SYNM: variants seen among roughly 807,000 people sequenced by gnomAD.
SYNM encodes the protein synemin.
In SYNM, 95 loss-of-function variants were observed where a neutral mutation model predicts 104.0. The observed-to-expected ratio is 0.91, with a 90% CI of 0.77 to 1.08. The LOEUF (loss-of-function observed/expected upper bound fraction) is 1.08, where lower values mean the gene tolerates loss of function less well. SYNM is among the 50% of genes least tolerant of loss of function. The probability of loss-of-function intolerance (pLI) is 0.00; values close to 1 mark genes in which losing one functional copy is unlikely to be tolerated. For synonymous variants in SYNM, 918 were observed against 869.0 expected (o/e 1.06, Z -0.99); for missense variants, 2,150 against 2,052.2 (o/e 1.05, Z -0.92).
At chr15:99,116,399 G>GGTCCACATGGCGGGATGGTCTCT (rs374142821) in intron 2 of SYNM, among the ~76,000 whole-genome samples, 1 of 146,982 alleles carries the variant, frequency 6.8e-6, no homozygotes, top group South Asian at 2.2e-4. Context: ...TCCTCAGACT[G>GGTCCACATGGCGGGATGGTCTCT]CCCCAAGTCA....
intron 3 of SYNM, chr15:99,128,976 T>G (rs2067472370): frequency 5.3e-6 from 1 of 187,840 alleles, no homozygotes; most frequent in Admixed American, 5.3e-5. Context: ...TCTGCTACAG[T>G]AAATTAAACT....
chr15:99,119,291 G>A (rs540011301), intron 2 of SYNM, among the ~76,000 whole-genome samples: 2 of 152,330 alleles, frequency 1.3e-5, no homozygotes, highest in African/African-American at 4.8e-5. Flanking sequence ...CTCACAGGGC[G>A]GCAGCATGCG....
downstream of SYNM, chr15:99,139,691 C>T (rs547846389): frequency 2.8e-5 from 39 of 1,383,296 alleles, no homozygotes; most frequent in East Asian, 1.4e-3. Context: ...AACCTTGGTA[C>T]TGACCAGAGG....
At chr15:99,122,067 A>G (rs1047259294) in intron 2 of SYNM, among the ~76,000 whole-genome samples, 4 of 152,266 alleles carry the variant, frequency 2.6e-5, no homozygotes, top group Non-Finnish European at 5.9e-5. Flanking sequence ...GGAAAATGCA[A>G]TGCAGAGATT....
rs567340233 is a variant in SYNM, at chr15:99,110,239, C to A, written c.811-3352C>A. Among the ~76,000 whole-genome samples the A allele has an allele frequency of 7.2e-5, 11 of 152,294 alleles. No homozygotes were observed. In the South Asian group the frequency reaches 2.1e-3, roughly 29 times the overall value. Reference sequence around the variant, plus strand: ...GCATTTTTCACTGCTGAATCCGCAGCCATGAAGAACTGCGCTTGGCACACT... The same window carrying A: ...GCATTTTTCACTGCTGAATCCGCAGACATGAAGAACTGCGCTTGGCACACT... On this transcript the variant is annotated intron_variant, in intron 1 of 3. Transcript: ENST00000336292.
At position 99,132,394 on chromosome 15, in the gene SYNM, G is replaced by C. The variant is rs7167599; in HGVS notation, c.4034G>C (p.Gly1345Ala). 245,609 of 1,613,826 alleles carry C rather than the reference G, an allele frequency of 0.15. 19,209 individuals carry two copies. The highest frequency in any genetic ancestry group is 0.21 in the Admixed American group (12,767 of 60,016). Residue 1345 changes from glycine to alanine, a missense_variant, in exon 4 of 4, where the codon GGA (glycine) becomes GCA (alanine). Physicochemically the swap from Gly to Ala is moderately conservative, Grantham distance 60 (BLOSUM62 0). Transcript: ENST00000336292. ...ESGDSESTVHGEGSADVHQAT... is the reference protein window; with the variant it reads ...ESGDSESTVHAEGSADVHQAT... ...GGTGACTCAGAGAGCACTGTGCACG[G>C]AGAGGGCTCAGCAGATGTGCACCAG...
chr15:99,139,509 T>C (rs1555489128), downstream of SYNM: 2 of 1,560,582 alleles, frequency 1.3e-6, no homozygotes, highest in Middle Eastern at 3.3e-4. Flanking sequence ...GGCCCTGCTG[T>C]GATGGAATTA....
intron 1 of SYNM, 80 bp from the exon 2 acceptor site, chr15:99,113,511 G>T: frequency 1.3e-6 from 2 of 1,565,676 alleles, no homozygotes; most frequent in South Asian, 1.2e-5. Context: ...TTTTCAATTC[G>T]ATCCTGAATT....
chr15:99,127,539 CTTCA>C (rs1192310636), intron 3 of SYNM, among the ~76,000 whole-genome samples: 2 of 152,160 alleles, frequency 1.3e-5, no homozygotes, highest in African/African-American at 4.8e-5. Flanking sequence ...TGGTTTTAGT[CTTCA>C]TTGTTTCTTT....
rs1555485606 is a variant in SYNM at position 99,130,444 on chromosome 15, A to T, written c.2084A>T (p.Asp695Val). Residue 695 changes from aspartate (D) to valine (V), a missense_variant, in exon 4 of 4, where the codon GAT (aspartate) becomes GTT (valine). Asp to Val is a radical substitution (Grantham distance 152, BLOSUM62 -3). Transcript: ENST00000336292. ...EIVVESKLTE[D>V]VDVSDEAGLD... is the part of the protein sequence containing the mutation. ...GTTGTGGAGTCTAAACTGACTGAGG[A>T]TGTTGATGTTTCCGATGAAGCTGGC... is the stretch of plus-strand genomic sequence containing the variant. 2 of 1,613,892 alleles carry T rather than the reference A, an allele frequency of 1.2e-6. No homozygotes were observed. The highest frequency in any genetic ancestry group is 1.3e-5 in the African/African-American group (1 of 75,020).
At chr15:99,118,224 A>G (rs1298650133) in intron 2 of SYNM, among the ~76,000 whole-genome samples, 1 of 152,144 alleles carries the variant, frequency 6.6e-6, no homozygotes, top group African/African-American at 2.4e-5. Flanking sequence ...TTTGAAAATC[A>G]CCAGTGCATG....
rs782600325 is a variant in SYNM, at chr15:99,129,429, C to T, written c.1069C>T (p.Leu357=). 6.2e-7 allele frequency: 1 copy of T among 1,614,010 alleles called. No individual in the cohort carries two copies. The highest frequency in any genetic ancestry group is 8.5e-7 in the Non-Finnish European group (1 of 1,179,880). Residue 357 remains leucine, a synonymous_variant, in exon 4 of 4, where the codon CTA becomes TTA. Coordinates refer to ENST00000336292, the MANE Select transcript of SYNM (RefSeq NM_145728.3). ...SLLQRENERN[L]FSRQKAPLAS... ...ACTACAGAGGGAAAATGAAAGGAATCTATTTTCAAGGCAGAAAGCACCTTT... is the reference window on the plus strand; with the variant it reads ...ACTACAGAGGGAAAATGAAAGGAATTTATTTTCAAGGCAGAAAGCACCTTT...
At chr15:99,109,155 G>C (rs1389105886) in intron 1 of SYNM, among the ~76,000 whole-genome samples, 1 of 152,144 alleles carries the variant, frequency 6.6e-6, no homozygotes, top group African/African-American at 2.4e-5. Flanking sequence ...GTCCTTCCCA[G>C]ATGGCCCATG....
At position 99,134,365 on chromosome 15, in the gene SYNM, A is replaced by G. The variant is rs2067542888; in HGVS notation, c.*1307A>G. On this transcript the variant is annotated 3_prime_UTR_variant, in exon 4 of 4. Coordinates refer to ENST00000336292, the MANE Select transcript of SYNM (RefSeq NM_145728.3). ...GCACCACCGAGTTTAAGATACTGGG[A>G]TGAGCATGCTTCATTGGATTCATTT... 1 of 151,836 alleles carries G rather than the reference A, an allele frequency of 6.6e-6. No homozygotes were observed. The highest frequency in any genetic ancestry group is 1.5e-5 in the Non-Finnish European group (1 of 68,006). 9.4% of individuals were successfully genotyped at this position (151,836 alleles called of 1,614,324 possible).
chr15:99,140,046 A>G (rs557446691), downstream of SYNM: 1 of 225,398 alleles, frequency 4.4e-6, no homozygotes, highest in South Asian at 6.4e-5. Flanking sequence ...GAGGTGGAGG[A>G]ACTTGCTTTA....
intron 1 of SYNM, among the ~76,000 whole-genome samples, chr15:99,109,552 T>G (rs2067281721): frequency 6.6e-6 from 1 of 152,160 alleles, no homozygotes; most frequent in Non-Finnish European, 1.5e-5. Flanking sequence ...GGCCCTGAAT[T>G]CTGACTCTGC....
At chr15:99,107,081 C>T (rs781886386) in intron 1 of SYNM, among the ~76,000 whole-genome samples, 1 of 152,200 alleles carries the variant, frequency 6.6e-6, no homozygotes, top group Non-Finnish European at 1.5e-5. Context: ...CCTAGACTTT[C>T]AGTATGCAAA....
intron 3 of SYNM, 83 bp from the exon 4 acceptor site, chr15:99,129,284 G>C (rs2067474757): frequency 7.8e-6 from 12 of 1,536,700 alleles, no homozygotes; most frequent in Non-Finnish European, 1.1e-5. Flanking sequence ...GATGGAATGG[G>C]ATTTGGCCTG....
Position 99,131,898 on chromosome 15 carries a change from C to T in SYNM, c.3538C>T (p.Gln1180Ter). Residue 1180 changes from glutamine to a stop codon, truncating the protein, a stop_gained, in exon 4 of 4, where the codon CAA (glutamine) becomes TAA (stop). Transcript: ENST00000336292. LOFTEE classifies it high-confidence loss of function. The surrounding 1 kb of genome is among the most constrained non-coding windows in gnomAD (Gnocchi z 4.3). ...SVRHVTLGPG[Q>*]SPLSREVIFL... Reference sequence around the variant, plus strand: ...GAGGCATGTCACGCTGGGTCCCGGTCAAAGTCCACTGTCCAGAGAAGTCAT... The same window carrying T: ...GAGGCATGTCACGCTGGGTCCCGGTTAAAGTCCACTGTCCAGAGAAGTCAT... The T allele has an allele frequency of 6.2e-7, 1 of 1,613,940 alleles. No homozygotes were observed. The highest frequency in any genetic ancestry group is 2.2e-5 in the East Asian group (1 of 44,878).
Sources: gnomAD v4.1 joint callset for allele counts (sites outside exome capture counted in the v4.1 genomes callset) on GRCh38, gnomAD v4.1.1 for gene constraint, Gnocchi (gnomAD v3.1) non-coding constraint, MANE v1.5 for transcripts, NCBI Gene and HGNC (gene_info 2026-07-23, HGNC 2026-07-21) for gene names.